NCOR2: variants seen among roughly 807,000 people sequenced by gnomAD.
The protein encoded by NCOR2 is nuclear receptor corepressor 2.
In NCOR2, 81 loss-of-function variants were observed where a neutral mutation model predicts 262.9. The ratio of observed to expected loss-of-function variants is 0.31; its 90% CI spans 0.26 to 0.37. NCOR2 has a LOEUF of 0.37. Among genes scored for constraint, NCOR2 ranks in the 10% least tolerant of loss-of-function variants. The pLI is 1.00. For synonymous variants in NCOR2, 1,659 were observed against 1,559.3 expected (o/e 1.06, Z -1.51); for missense variants, 3,385 against 3,621.4 (o/e 0.93, Z 1.68).
chr12:124,472,117 G>C (rs112375997), intron 4 of NCOR2, among the ~76,000 whole-genome samples: 3,356 of 152,326 alleles, frequency 0.022, 61 homozygotes, highest in Middle Eastern at 0.051. Flanking sequence ...GTGTGTTCCT[G>C]TACAAGGCTG....
intron 15 of NCOR2, among the ~76,000 whole-genome samples, chr12:124,399,264 C>A (rs2041864923): frequency 6.6e-6 from 1 of 152,146 alleles, no homozygotes; most frequent in Admixed American, 6.5e-5. Flanking sequence ...CCACAGGACT[C>A]CCAGAGGAAG....
At chr12:124,406,120 G>GT (rs1224947789) in intron 13 of NCOR2, among the ~76,000 whole-genome samples, 3 of 152,238 alleles carry the variant, frequency 2.0e-5, no homozygotes, top group Admixed American at 6.5e-5. Flanking sequence ...AACGTTTTCT[G>GT]TAAGGGCCAG....
chr12:124,473,196 G>A (rs950077376), intron 3 of NCOR2, 65 bp from the exon 6 acceptor site: 18 of 1,571,990 alleles, frequency 1.1e-5, no homozygotes, highest in Non-Finnish European at 1.4e-5. Context: ...GTACAACCCT[G>A]TGATGGTTAA....
chr12:124,425,508 T>C lies in NCOR2; in HGVS notation c.1328+1114A>G, dbSNP rs563383789. Among the ~76,000 whole-genome samples, 309 of 152,214 alleles carry C rather than the reference T, an allele frequency of 2.0e-3. 1 individual carries two copies. The highest frequency in any genetic ancestry group is 6.8e-3 in the Middle Eastern group (2 of 294). On this transcript the variant is annotated intron_variant, in intron 11 of 46. Coordinates refer to ENST00000405201, the Ensembl canonical transcript of NCOR2. Reference sequence around the variant, plus strand: ...AGACATTTCTTTTTCCAGTGTGGCCTGGGGAAGCCAAAAGATTAGATTCCC... The same window carrying C: ...AGACATTTCTTTTTCCAGTGTGGCCCGGGGAAGCCAAAAGATTAGATTCCC...
chr12:124,373,694 G>T (rs866339327), intron 19 of NCOR2, among the ~76,000 whole-genome samples: 54 of 74,864 alleles, frequency 7.2e-4, no homozygotes, highest in African/African-American at 1.4e-3. Flanking sequence ...AGGGGCCCCG[G>T]GCACAGTGGA....
At chr12:124,516,028 G>T (rs116267213) in intron 1 of NCOR2, among the ~76,000 whole-genome samples, 2,311 of 152,296 alleles carry the variant, frequency 0.015, 59 homozygotes, top group African/African-American at 0.052. Flanking sequence ...GGACACCAAG[G>T]CCCTGGGGGT....
At chr12:124,327,382 G>A (rs1229310338) in intron 45 of NCOR2, 27 bp downstream of exon 47, 2 of 1,554,040 alleles carry the variant, frequency 1.3e-6, no homozygotes, top group Middle Eastern at 2.3e-4. Context: ...GGGACAGACG[G>A]GGGCGGGGCG....
chr12:124,450,955 G>A (rs2045485402), intron 6 of NCOR2, among the ~76,000 whole-genome samples: 1 of 152,252 alleles, frequency 6.6e-6, no homozygotes, highest in Non-Finnish European at 1.5e-5. Context: ...GCAGGCTGAA[G>A]TGCCCAGAGG....
rs879269861 is a variant in NCOR2, at chr12:124,389,045, C to CGCGAGGTGCCCTTCCCCGAGGGTGGTGG, written c.1877-3186_1877-3159dup. ...CGCCGTCCCCAAGCCGCTGTGGGCGCGCGAGGTGCCCTTCCCCGAGGGTGG... is the reference window on the plus strand; with the variant it reads ...CGCCGTCCCCAAGCCGCTGTGGGCGCGCGAGGTGCCCTTCCCCGAGGGTGGTGGGCGAGGTGCCCTTCCCCGAGGGTGG... On this transcript the variant is annotated intron_variant, in intron 16 of 46. Coordinates refer to ENST00000405201, the Ensembl canonical transcript of NCOR2. The surrounding 1 kb of genome is among the most constrained non-coding windows in gnomAD (Gnocchi z 4.4). Among the ~76,000 whole-genome samples the CGCGAGGTGCCCTTCCCCGAGGGTGGTGG allele has an allele frequency of 1.6e-4, 24 of 152,214 alleles. No individual in the cohort carries two copies. Among genetic ancestry groups the CGCGAGGTGCCCTTCCCCGAGGGTGGTGG allele is most frequent in the Non-Finnish European group, 3.4e-4 (23 of 68,038 alleles).
intron 5 of NCOR2, among the ~76,000 whole-genome samples, chr12:124,459,473 T>G (rs1242472656): frequency 6.6e-6 from 1 of 152,060 alleles, no homozygotes; most frequent in African/African-American, 2.4e-5. Flanking sequence ...TGGAGCCCTG[T>G]CCCAAGATGG....
Position 124,483,199 on chromosome 12 carries a change from T to C in NCOR2, c.411+397A>G, listed in dbSNP as rs1194455767. On this transcript the variant is annotated intron_variant, in intron 3 of 46. Coordinates refer to ENST00000405201, the Ensembl canonical transcript of NCOR2. The surrounding 1 kb of genome is among the most constrained non-coding windows in gnomAD (Gnocchi z 6.3). ...CACCCTCGAGGAAGCTCTCAGAATG[T>C]GCTGAAAGCTGCCCACCGACCACAG... Among the ~76,000 whole-genome samples the C allele has an allele frequency of 6.6e-6, 1 of 152,010 alleles. No individual in the cohort carries two copies. The highest frequency in any genetic ancestry group is 2.4e-5 in the African/African-American group (1 of 41,376).
chr12:124,420,094 C>T lies in NCOR2; in HGVS notation c.1384-39G>A, dbSNP rs1451399012. 3 of 1,551,652 alleles carry T rather than the reference C, an allele frequency of 1.9e-6. No homozygotes were observed. In the South Asian group the frequency reaches 3.3e-5, roughly 17 times the overall value. ...AAAGAGGACGCTGAGCAGGGTACAG[C>T]ACAGGCATTCAGGGCAGGAGCCAGG... On this transcript the variant is annotated intron_variant, in intron 12 of 46. Transcript: ENST00000405201.
At chr12:124,403,378 G>C (rs2042087055) in intron 13 of NCOR2, among the ~76,000 whole-genome samples, 1 of 152,104 alleles carries the variant, frequency 6.6e-6, no homozygotes, top group Admixed American at 6.5e-5. Flanking sequence ...CCTGTCATCT[G>C]CCTCCCCGAC....
chr12:124,534,446 ACT>A (rs2051012594), intron 1 of NCOR2, among the ~76,000 whole-genome samples: 1 of 145,634 alleles, frequency 6.9e-6, no homozygotes, highest in African/African-American at 2.5e-5. Context: ...ACCAAGCAAG[ACT>A]CTGTCTCGAA....
At chr12:124,357,920 CACGTGCGT>C (rs1291125722) in intron 22 of NCOR2, among the ~76,000 whole-genome samples, 3 of 144,156 alleles carry the variant, frequency 2.1e-5, no homozygotes, top group African/African-American at 5.3e-5. Flanking sequence ...TGTGCGTGCG[CACGTGCGT>C]GCATGTGTGT....
At chr12:124,528,866 C>G (rs1325548766) in intron 1 of NCOR2, among the ~76,000 whole-genome samples, 3 of 152,200 alleles carry the variant, frequency 2.0e-5, no homozygotes, top group African/African-American at 7.2e-5. Context: ...CCTCAGTTTC[C>G]TCATCTGTAA....
At chr12:124,439,450 G>A (rs2044686491) in intron 7 of NCOR2, among the ~76,000 whole-genome samples, 1 of 124,274 alleles carries the variant, frequency 8.0e-6, no homozygotes, top group South Asian at 2.7e-4. Flanking sequence ...CCCAGAGAGG[G>A]AAACAGGGAC....
chr12:124,357,773 T>C (rs1205690306), intron 22 of NCOR2, among the ~76,000 whole-genome samples: 2 of 152,276 alleles, frequency 1.3e-5, no homozygotes, highest in Non-Finnish European at 2.9e-5. Context: ...CTACACAATG[T>C]TGAAGGAGGT....
exon 31 of NCOR2, chr12:124,346,698 G>T: frequency 6.4e-7 from 1 of 1,569,728 alleles, no homozygotes; most frequent in South Asian, 1.2e-5. Flanking sequence ...TCATGGGCCG[G>T]CTTCAGCTTC....
Sources: gnomAD v4.1 joint callset for allele counts (sites outside exome capture counted in the v4.1 genomes callset) on GRCh38, gnomAD v4.1.1 for gene constraint, Gnocchi (gnomAD v3.1) non-coding constraint, MANE v1.5 for transcripts, NCBI Gene and HGNC (gene_info 2026-07-23, HGNC 2026-07-21) for gene names.